Variants in PCDHGA12 observed in about 807,000 individuals in gnomAD.
PCDHGA12 encodes the protein protocadherin gamma subfamily A, 12.
In PCDHGA12, 43 loss-of-function variants were observed where a neutral mutation model predicts 61.1. That is an observed-to-expected ratio of 0.70 (90% CI 0.55 to 0.91). The LOEUF (loss-of-function observed/expected upper bound fraction) is 0.91, where lower values mean the gene tolerates loss of function less well. PCDHGA12 is among the 40% of genes least tolerant of loss of function. The probability of loss-of-function intolerance (pLI) is 0.00; values close to 1 mark genes in which losing one functional copy is unlikely to be tolerated. For missense variants in PCDHGA12, 1,236 were observed against 1,227.7 expected, an observed-to-expected ratio of 1.01 and a Z score of -0.10; for synonymous variants, 520 against 542.9, an observed-to-expected ratio of 0.96 and a Z score of 0.59.
At chr5:141,505,583 T>C (rs2099846941) in intron 3 of PCDHGA12, 102 bp downstream of exon 3, 3 of 1,583,532 alleles carry the variant, frequency 1.9e-6, no homozygotes, top group Non-Finnish European at 2.6e-6. Flanking sequence ...ACCTGTGTAG[T>C]TTCTCCAGAT....
In PCDHGA12 at chr5:141,490,770, C is replaced by T. The variant is rs774014462; in HGVS notation, c.2425-4037C>T. 1.2e-6 allele frequency: 2 copies of T among 1,614,120 alleles called. No individual in the cohort carries two copies. Among genetic ancestry groups the T allele is most frequent in the Non-Finnish European group, 8.5e-7 (1 of 1,179,968 alleles). ...CAGCCTCCTCCTTTGTGTATGTCAA[C>T]CCAGAGGATGGACGGATCTTTGCCC... On this transcript the variant is annotated intron_variant, in intron 1 of 3. Transcript: ENST00000252085. The surrounding 1 kb of genome is among the most constrained non-coding windows in gnomAD (Gnocchi z 5.4).
Position 141,486,178 on chromosome 5 carries a change from C to A in PCDHGA12, c.2425-8629C>A, listed in dbSNP as rs767840363. On this transcript the variant is annotated intron_variant, in intron 1 of 3. Transcript: ENST00000252085. This position sits in a 1 kb window ranked among gnomAD's most constrained non-coding sequence, Gnocchi z 5.0. ...CTCCAGCCATGGAGCAACATTGCAG[C>A]CTTCGAGTGGATCTGCTGGACGTAA... 1.2e-6 allele frequency: 2 copies of A among 1,614,194 alleles called. No homozygotes were observed. The highest frequency in any genetic ancestry group is 2.2e-5 in the East Asian group (1 of 44,882).
chr5:141,471,790 C>T (rs1465283136), intron 1 of PCDHGA12, among the ~76,000 whole-genome samples: 1 of 152,068 alleles, frequency 6.6e-6, no homozygotes, highest in Non-Finnish European at 1.5e-5. Context: ...TATGCTATGT[C>T]ATATAAAAGA....
At chr5:141,488,359 T>A (rs1262194591) in intron 1 of PCDHGA12, among the ~76,000 whole-genome samples, 1 of 152,198 alleles carries the variant, frequency 6.6e-6, no homozygotes, top group Non-Finnish European at 1.5e-5. Context: ...ACCCTGTGCA[T>A]CTTTAAGTTG....
rs758782567 is a variant in PCDHGA12, at chr5:141,486,792, G to A, written c.2425-8015G>A. ...CAGTTTGAGGTGCAGGCCCGGGATCGGGGCAACCCACCCCTTAGCAGCACT... is the reference window on the plus strand; with the variant it reads ...CAGTTTGAGGTGCAGGCCCGGGATCAGGGCAACCCACCCCTTAGCAGCACT... On this transcript the variant is annotated intron_variant, in intron 1 of 3. Coordinates refer to ENST00000252085, the MANE Select transcript of PCDHGA12 (RefSeq NM_003735.3). This position sits in a 1 kb window ranked among gnomAD's most constrained non-coding sequence, Gnocchi z 5.0. The A allele has an allele frequency of 3.7e-5, 59 of 1,614,094 alleles. No homozygotes were observed. The Middle Eastern group carries it at 4.9e-4, about 13-fold the overall frequency.
At chr5:141,443,728 C>T (rs1434984241) in intron 1 of PCDHGA12, among the ~76,000 whole-genome samples, 1 of 152,060 alleles carries the variant, frequency 6.6e-6, no homozygotes, top group Admixed American at 6.5e-5. Flanking sequence ...ATTCCTCATA[C>T]ATTTCCCTAT....
chr5:141,438,627 TATATATATACACAC>T (rs1407400493), intron 1 of PCDHGA12, among the ~76,000 whole-genome samples: 2,053 of 47,724 alleles, frequency 0.043, 22 homozygotes, highest in African/African-American at 0.13. Context: ...TATATATATA[TATATATATACACAC>T]ACACACACAC....
rs139156138 is a variant in PCDHGA12 at position 141,472,179 on chromosome 5, T to C, written c.2425-22628T>C. 5.1e-4 allele frequency among the ~76,000 whole-genome samples: 77 copies of C among 152,246 alleles called. 4 individuals are homozygous for C. The East Asian group carries it at 0.014, about 27-fold the overall frequency. On this transcript the variant is annotated intron_variant, in intron 1 of 3. Coordinates refer to ENST00000252085, the MANE Select transcript of PCDHGA12 (RefSeq NM_003735.3). ...TAGCTACTAGGTGTAATATCCAGTATTGGAATTTGAATCTTTTTGACACTA... is the reference window on the plus strand; with the variant it reads ...TAGCTACTAGGTGTAATATCCAGTACTGGAATTTGAATCTTTTTGACACTA...
chr5:141,478,767 C>T (rs953695562), intron 1 of PCDHGA12: 44 of 1,500,650 alleles, frequency 2.9e-5, no homozygotes, highest in Non-Finnish European at 3.9e-5. Context: ...ATACTTGACT[C>T]ATCTGTGGAC....
intron 3 of PCDHGA12, among the ~76,000 whole-genome samples, chr5:141,510,208 G>A (rs560746333): frequency 2.0e-5 from 3 of 151,866 alleles, no homozygotes; most frequent in Admixed American, 1.3e-4. Context: ...AGGAGGCAGA[G>A]GTTGCAGTGA....
intron 2 of PCDHGA12, among the ~76,000 whole-genome samples, chr5:141,503,292 A>T (rs7710319): frequency 0.52 from 78,681 of 151,966 alleles, 21,044 homozygotes; most frequent in African/African-American, 0.62. Flanking sequence ...TGGTACATAG[A>T]AATTGCTCAA....
intron 1 of PCDHGA12, among the ~76,000 whole-genome samples, chr5:141,454,900 C>T (rs1411402448): frequency 1.4e-5 from 2 of 145,486 alleles, no homozygotes; most frequent in African/African-American, 2.6e-5. Flanking sequence ...CACCGCCTCC[C>T]GGGTTCACGC....
chr5:141,490,051 G>T lies in PCDHGA12; in HGVS notation c.2425-4756G>T, dbSNP rs779280988. On this transcript the variant is annotated intron_variant, in intron 1 of 3. Coordinates refer to ENST00000252085, the MANE Select transcript of PCDHGA12 (RefSeq NM_003735.3). The surrounding 1 kb of genome is among the most constrained non-coding windows in gnomAD (Gnocchi z 5.4). ...CCGCCTCAATGCCACTGATCCAGACGAGGGCACCAACGGCCAACTAGACTA... is the reference window on the plus strand; with the variant it reads ...CCGCCTCAATGCCACTGATCCAGACTAGGGCACCAACGGCCAACTAGACTA... 3 of 1,614,214 alleles carry T rather than the reference G, an allele frequency of 1.9e-6. No homozygotes were observed. The Middle Eastern group carries it at 4.9e-4, about 266-fold the overall frequency.
At position 141,476,001 on chromosome 5, in the gene PCDHGA12, C is replaced by A. The variant is rs989369008; in HGVS notation, c.2425-18806C>A. On this transcript the variant is annotated intron_variant, in intron 1 of 3. Coordinates refer to ENST00000252085, the MANE Select transcript of PCDHGA12 (RefSeq NM_003735.3). This position sits in a 1 kb window ranked among gnomAD's most constrained non-coding sequence, Gnocchi z 7.6. ...CAGCCGGCGAGCAAATCAACGGCAT[C>A]CAGAAAGCCATGTCGGACTCGGCGC... The A allele has an allele frequency of 5.7e-5, 70 of 1,235,226 alleles. No homozygotes were observed. In the Middle Eastern group the frequency reaches 8.6e-4, roughly 15 times the overall value. The allele number at this position is 1,235,226 out of a possible 1,614,324, so 76.5% of individuals were successfully genotyped here. A position where few individuals can be genotyped will look rare whatever the true frequency, so the allele number is the denominator to read the frequency against.
chr5:141,494,953 T>G, intron 2 of PCDHGA12, 88 bp downstream of exon 2: 1 of 1,604,164 alleles, frequency 6.2e-7, no homozygotes, highest in Non-Finnish European at 8.5e-7. Flanking sequence ...GCCCAGCATT[T>G]GCTACAGATG....
In PCDHGA12 at chr5:141,486,600, C is replaced by G. The variant is rs748395954; in HGVS notation, c.2425-8207C>G. Reference sequence around the variant, plus strand: ...AATCGCCCAGGGGACCTGCTTTGCTCCCTTGCAGCCTCTGACCCAGACTCT... The same window carrying G: ...AATCGCCCAGGGGACCTGCTTTGCTGCCTTGCAGCCTCTGACCCAGACTCT... On this transcript the variant is annotated intron_variant, in intron 1 of 3. Transcript: ENST00000252085. This position sits in a 1 kb window ranked among gnomAD's most constrained non-coding sequence, Gnocchi z 5.0. 21 of 1,613,602 alleles carry G rather than the reference C, an allele frequency of 1.3e-5. No individual in the cohort carries two copies. Among genetic ancestry groups the G allele is most frequent in the South Asian group, 2.2e-5 (2 of 91,086 alleles).
At position 141,431,556 on chromosome 5, in the gene PCDHGA12, C is replaced by G. The variant is rs1561853752; in HGVS notation, c.797C>G (p.Ala266Gly). ...ALGTQLLVVN[A>G]TDPDEGVNAE... is the part of the protein sequence containing the mutation. ...GGCACGCAGCTGCTTGTAGTCAACGCTACCGACCCTGACGAAGGAGTCAAT... is the reference window on the plus strand; with the variant it reads ...GGCACGCAGCTGCTTGTAGTCAACGGTACCGACCCTGACGAAGGAGTCAAT... The change falls in exon 1 of 4, where the codon GCT (alanine) becomes GGT (glycine). Residue 266 changes from alanine to glycine, a missense_variant. Transcript: ENST00000252085. The surrounding 1 kb of genome is among the most constrained non-coding windows in gnomAD (Gnocchi z 4.8). 3 of 1,614,138 alleles carry G rather than the reference C, an allele frequency of 1.9e-6. No individual in the cohort carries two copies. The highest frequency in any genetic ancestry group is 2.5e-6 in the Non-Finnish European group (3 of 1,180,022).
In PCDHGA12 at chr5:141,430,752, A is replaced by C. The variant is rs772436100; in HGVS notation, c.-8A>C. On this transcript the variant is annotated 5_prime_UTR_variant, in exon 1 of 4. Transcript: ENST00000252085. ...CAGAATTGAAAATAATTCTGGAGGA[A>C]GATAAGAATGATTCCTGCGCGACTG... The C allele has an allele frequency of 6.7e-7, 1 of 1,501,400 alleles. No individual in the cohort carries two copies. Among genetic ancestry groups the C allele is most frequent in the East Asian group, 2.3e-5 (1 of 42,976 alleles). The allele number at this position is 1,501,400 out of a possible 1,614,324, so 93.0% of individuals were successfully genotyped here. A position where few individuals can be genotyped will look rare whatever the true frequency, so the allele number is the denominator to read the frequency against.
At chr5:141,478,526 G>A (rs1402123535) in intron 1 of PCDHGA12, 1 of 1,609,906 alleles carries the variant, frequency 6.2e-7, no homozygotes, top group Admixed American at 1.7e-5. Context: ...GTTGGGTGCA[G>A]AGAGCGCCCC....
Sources: gnomAD v4.1 joint callset for allele counts (sites outside exome capture counted in the v4.1 genomes callset) on GRCh38, gnomAD v4.1.1 for gene constraint, Gnocchi (gnomAD v3.1) non-coding constraint, MANE v1.5 for transcripts, NCBI Gene and HGNC (gene_info 2026-07-23, HGNC 2026-07-21) for gene names.